WDR70: variants seen among roughly 807,000 people sequenced by gnomAD.
WDR70 encodes WD repeat-containing protein 70.
A neutral mutation model predicts 88.6 loss-of-function variants in WDR70; 53 were observed. The observed-to-expected ratio is 0.60, with a 90% CI of 0.48 to 0.75. The LOEUF is 0.75. Among genes scored for constraint, WDR70 ranks in the 30% least tolerant of loss-of-function variants. WDR70 has a pLI of 0.00. For missense variants in WDR70, 610 were observed against 823.2 expected (o/e 0.74, Z 3.17); for synonymous variants, 280 against 270.0 (o/e 1.04, Z -0.36).
intron 7 of WDR70, among the ~76,000 whole-genome samples, chr5:37,450,998 A>T (rs1738662237): frequency 6.6e-6 from 1 of 152,074 alleles, no homozygotes; most frequent in African/African-American, 2.4e-5. Context: ...TCCTGGGTTT[A>T]AGCGATTCTC....
chr5:37,417,939 T>G (rs1171925438), intron 5 of WDR70, among the ~76,000 whole-genome samples: 1 of 152,184 alleles, frequency 6.6e-6, no homozygotes, highest in Non-Finnish European at 1.5e-5. Flanking sequence ...ACTTGCAGAT[T>G]TAAGTAAGTG....
chr5:37,642,457 C>G (rs970690360), intron 10 of WDR70, among the ~76,000 whole-genome samples: 1 of 152,186 alleles, frequency 6.6e-6, no homozygotes, highest in Non-Finnish European at 1.5e-5. Context: ...ACATGAGATA[C>G]TTTGATACAG....
chr5:37,402,329 T>TGTGTGTGTA lies in WDR70; in HGVS notation c.492+5759_492+5760insGTGTGTGTA, dbSNP rs59326032. On this transcript the variant is annotated intron_variant, in intron 5 of 17. Coordinates refer to ENST00000265107, the MANE Select transcript of WDR70 (RefSeq NM_018034.4). ...TGTGTGTGTGTGTGTGTGTGTGTGT[T>TGTGTGTGTA]TTAAATTTTTAAATCCATTCATTTA... Among the ~76,000 whole-genome samples the TGTGTGTGTA allele has an allele frequency of 8.0e-3, 1,181 of 147,680 alleles. 11 individuals are homozygous for TGTGTGTGTA. The highest frequency in any genetic ancestry group is 0.01 in the Middle Eastern group (3 of 288).
intron 8 of WDR70, among the ~76,000 whole-genome samples, chr5:37,496,096 A>G (rs1031538104): frequency 1.2e-4 from 19 of 152,192 alleles, no homozygotes; most frequent in Non-Finnish European, 1.9e-4. Context: ...GTAAACACCA[A>G]TCAGCACTCT....
chr5:37,734,222 T>C (rs1166208360), intron 17 of WDR70, among the ~76,000 whole-genome samples: 1 of 152,112 alleles, frequency 6.6e-6, no homozygotes, highest in Non-Finnish European at 1.5e-5. Context: ...GTGCACATCC[T>C]TTTTTCAATT....
At chr5:37,495,493 T>C (rs1235727100) in intron 8 of WDR70, among the ~76,000 whole-genome samples, 2 of 152,104 alleles carry the variant, frequency 1.3e-5, no homozygotes, top group Non-Finnish European at 2.9e-5. Flanking sequence ...TGTGCGTGTG[T>C]GTGTGTGTGT....
rs188538451 is a variant in WDR70 at position 37,752,937 on chromosome 5, G to C, written c.*364G>C. ...CTAGCAATTCTAGGAACATAATATA[G>C]AAATAGAGATCAAAAAGTTTAATGT... On this transcript the variant is annotated 3_prime_UTR_variant, in exon 18 of 18. Coordinates refer to ENST00000265107, the MANE Select transcript of WDR70 (RefSeq NM_018034.4). 443 of 165,464 alleles carry C rather than the reference G, an allele frequency of 2.7e-3. 8 individuals carry two copies. The highest frequency in any genetic ancestry group is 0.026 in the Admixed American group (413 of 15,612). 10.2% of individuals were successfully genotyped at this position (165,464 alleles called of 1,614,324 possible). A position where few individuals can be genotyped will look rare whatever the true frequency, so the allele number is the denominator to read the frequency against.
chr5:37,379,612 A>G lies in WDR70; in HGVS notation c.91+58A>G, dbSNP rs377035284. ...CTTGTGCAGAGGTTTGAAGATCCGC[A>G]GAGTGGGAGTGGAGATCGAGCTGTC... On this transcript the variant is annotated intron_variant, in intron 2 of 17. Transcript: ENST00000265107. 200 of 1,583,540 alleles carry G rather than the reference A, an allele frequency of 1.3e-4. 1 individual carries two copies. The Middle Eastern group carries it at 2.0e-3, about 16-fold the overall frequency.
At chr5:37,613,778 A>G (rs554666960) in intron 10 of WDR70, among the ~76,000 whole-genome samples, 26 of 114,362 alleles carry the variant, frequency 2.3e-4, no homozygotes, top group Middle Eastern at 4.6e-3. Context: ...CAGCAACTCT[A>G]TGATATAAAT....
At chr5:37,469,837 AG>A (rs1739271013) in intron 7 of WDR70, among the ~76,000 whole-genome samples, 1 of 152,088 alleles carries the variant, frequency 6.6e-6, no homozygotes, top group East Asian at 1.9e-4. Flanking sequence ...AGGTAAACTA[AG>A]TTTTTCTCTG....
At chr5:37,511,522 A>G (rs904110496) in intron 8 of WDR70, among the ~76,000 whole-genome samples, 4 of 152,076 alleles carry the variant, frequency 2.6e-5, no homozygotes, top group Non-Finnish European at 4.4e-5. Flanking sequence ...AATTTTTGCA[A>G]GAAGCCCTGG....
At chr5:37,444,274 A>G (rs1380638665) in intron 7 of WDR70, among the ~76,000 whole-genome samples, 1 of 150,594 alleles carries the variant, frequency 6.6e-6, no homozygotes, top group African/African-American at 2.4e-5. Context: ...CTGTTTAGGT[A>G]TGGTCGGCTA....
At position 37,516,705 on chromosome 5, in the gene WDR70, T is replaced by TTATA. The variant is rs1385755397; in HGVS notation, c.917+118_917+121dup. The TTATA allele has an allele frequency of 7.1e-5, 15 of 210,426 alleles. 5 individuals are homozygous for TTATA. The highest frequency in any genetic ancestry group is 1.9e-4 in the South Asian group (1 of 5,148). The allele number at this position is 210,426 out of a possible 1,614,324, so 13.0% of individuals were successfully genotyped here. A position where few individuals can be genotyped will look rare whatever the true frequency, so the allele number is the denominator to read the frequency against. On this transcript the variant is annotated intron_variant, in intron 9 of 17. Coordinates refer to ENST00000265107, the MANE Select transcript of WDR70 (RefSeq NM_018034.4). Reference sequence around the variant, plus strand: ...GTAAGTGGAATATTAGGAATTCTTATTATATACATATATATATATATTTTT... The same window carrying TTATA: ...GTAAGTGGAATATTAGGAATTCTTATTATATATATACATATATATATATATTTTT...
intron 9 of WDR70, among the ~76,000 whole-genome samples, chr5:37,562,653 AC>A (rs1365158834): frequency 3.9e-5 from 6 of 152,144 alleles, no homozygotes; most frequent in African/African-American, 1.4e-4. Flanking sequence ...ATGACTCTTA[AC>A]GAGCATGCTG....
At chr5:37,557,938 G>GAACACTCTTCAAAAGAGTACTCTTTTT (rs1742346482) in intron 9 of WDR70, among the ~76,000 whole-genome samples, 1 of 151,236 alleles carries the variant, frequency 6.6e-6, no homozygotes, top group Non-Finnish European at 1.5e-5. Context: ...GTACTCTTTT[G>GAACACTCTTCAAAAGAGTACTCTTTTT]AATACTCTTC....
chr5:37,728,359 A>AC (rs1748048954), intron 17 of WDR70, among the ~76,000 whole-genome samples: 2 of 56,718 alleles, frequency 3.5e-5, no homozygotes, highest in Admixed American at 2.3e-4. Context: ...AAAAAAAAAA[A>AC]AAAACAAAAA....
chr5:37,512,964 A>G (rs1740765135), intron 8 of WDR70, among the ~76,000 whole-genome samples: 1 of 152,172 alleles, frequency 6.6e-6, no homozygotes. Context: ...GAATATGGAC[A>G]TATCTTTTTG....
chr5:37,519,598 C>T (rs1025225772), intron 9 of WDR70, among the ~76,000 whole-genome samples: 3 of 138,922 alleles, frequency 2.2e-5, no homozygotes, highest in African/African-American at 8.2e-5. Context: ...GCGCTCCTCA[C>T]CTCCCAGACG....
At chr5:37,527,146 T>G (rs545218414) in intron 9 of WDR70, among the ~76,000 whole-genome samples, 1 of 152,180 alleles carries the variant, frequency 6.6e-6, no homozygotes, top group East Asian at 1.9e-4. Flanking sequence ...AAAGTTTATA[T>G]GGAACCAAAA....
Sources: gnomAD v4.1 joint callset for allele counts (sites outside exome capture counted in the v4.1 genomes callset) on GRCh38, gnomAD v4.1.1 for gene constraint, MANE v1.5 for transcripts, NCBI Gene and HGNC (gene_info 2026-07-23, HGNC 2026-07-21) for gene names.